MTCL1: variants seen among roughly 807,000 people sequenced by gnomAD.
MTCL1 encodes microtubule cross-linking factor 1.
MTCL1 carries 79 observed loss-of-function variants against 141.4 expected under a neutral mutation model. The ratio of observed to expected loss-of-function variants is 0.56; its 90% CI spans 0.47 to 0.67. The LOEUF (loss-of-function observed/expected upper bound fraction) is 0.67, where lower values mean the gene tolerates loss of function less well. Among genes scored for constraint, MTCL1 ranks in the 30% least tolerant of loss-of-function variants. The probability of loss-of-function intolerance (pLI) is 0.00; values close to 1 mark genes in which losing one functional copy is unlikely to be tolerated. For missense variants in MTCL1, 2,177 were observed against 2,113.9 expected (o/e 1.03, Z -0.59); for synonymous variants, 914 against 875.8 (o/e 1.04, Z -0.77).
intron 4 of MTCL1, among the ~76,000 whole-genome samples, chr18:8,755,083 G>A (rs1283347855): frequency 6.6e-6 from 1 of 152,150 alleles, no homozygotes; most frequent in Non-Finnish European, 1.5e-5. Flanking sequence ...GAGTAACACC[G>A]CCTGTTGCAC....
intron 6 of MTCL1, chr18:8,785,593 T>C (rs200687004): frequency 3.7e-6 from 1 of 273,036 alleles, no homozygotes; most frequent in East Asian, 9.1e-5. Flanking sequence ...CCTTCACGGG[T>C]AGCGTGCTTG....
At chr18:8,809,549 G>C in intron 11 of MTCL1, 1 of 1,536,268 alleles carries the variant, frequency 6.5e-7, no homozygotes, top group Admixed American at 2.0e-5. Flanking sequence ...GCCTTGGGTT[G>C]CAGAGATTGG....
intron 4 of MTCL1, among the ~76,000 whole-genome samples, chr18:8,741,103 A>G (rs1270563748): frequency 2.0e-5 from 3 of 152,230 alleles, no homozygotes; most frequent in Admixed American, 6.5e-5. Context: ...GTCCCCATCA[A>G]ATGTTCTTAC....
chr18:8,760,597 T>G (rs2096427133), intron 4 of MTCL1, among the ~76,000 whole-genome samples: 1 of 152,206 alleles, frequency 6.6e-6, no homozygotes, highest in Non-Finnish European at 1.5e-5. Flanking sequence ...ATGCTTGCAG[T>G]GTTTTCCTTT....
chr18:8,768,060 T>G (rs2096467477), intron 4 of MTCL1, among the ~76,000 whole-genome samples: 1 of 152,206 alleles, frequency 6.6e-6, no homozygotes, highest in African/African-American at 2.4e-5. Context: ...AAATGAAAAT[T>G]TATGTGCCTG....
intron 13 of MTCL1, among the ~76,000 whole-genome samples, chr18:8,820,281 G>A (rs1183566135): frequency 1.3e-5 from 2 of 152,012 alleles, no homozygotes; most frequent in African/African-American, 4.8e-5. Flanking sequence ...GTGGTGGCGG[G>A]TGCCTGTAGT....
At chr18:8,766,189 G>A (rs900231927) in intron 4 of MTCL1, among the ~76,000 whole-genome samples, 3 of 152,234 alleles carry the variant, frequency 2.0e-5, no homozygotes, top group African/African-American at 7.2e-5. Context: ...CTGCACACAA[G>A]AAAGGCGTGG....
At chr18:8,758,659 A>C (rs2096414838) in intron 4 of MTCL1, among the ~76,000 whole-genome samples, 1 of 152,152 alleles carries the variant, frequency 6.6e-6, no homozygotes. Context: ...CTTTGTGCTG[A>C]AGTTTTCCTG....
chr18:8,748,738 T>C (rs1219060688), intron 4 of MTCL1, among the ~76,000 whole-genome samples: 2 of 152,158 alleles, frequency 1.3e-5, no homozygotes, highest in Non-Finnish European at 1.5e-5. Flanking sequence ...TTAATAGTAA[T>C]ATTAACATGA....
intron 4 of MTCL1, among the ~76,000 whole-genome samples, chr18:8,744,666 C>T (rs1010107512): frequency 9.2e-5 from 14 of 152,106 alleles, no homozygotes; most frequent in African/African-American, 3.4e-4. Context: ...TGATTTGTAA[C>T]TGTCCCATTT....
chr18:8,786,109 A>ACCCCCCC lies in MTCL1; in HGVS notation c.1887+18_1887+19insCCCCCCC. 1 of 1,342,526 alleles carries ACCCCCCC rather than the reference A, an allele frequency of 7.4e-7. No individual in the cohort carries two copies. Among genetic ancestry groups the ACCCCCCC allele is most frequent in the Non-Finnish European group, 9.8e-7 (1 of 1,022,224 alleles). 83.2% of individuals were successfully genotyped at this position (1,342,526 alleles called of 1,614,324 possible). A position where few individuals can be genotyped will look rare whatever the true frequency, so the allele number is the denominator to read the frequency against. ...GCCTGGAGGTCAGCGTGGGCAAGCA[A>ACCCCCCC]TCCCCCCCCCCCGCCCTCCCCCTCC... On this transcript the variant is annotated intron_variant, in intron 7 of 16. Coordinates refer to ENST00000359865, the Ensembl canonical transcript of MTCL1.
At chr18:8,718,278 T>A in intron 2 of MTCL1, 146 bp from the exon 2 acceptor site, 5 of 745,078 alleles carry the variant, frequency 6.7e-6, no homozygotes, top group Non-Finnish European at 1.1e-5. Flanking sequence ...GAGGTTCTGG[T>A]GCCTGTCACC....
At chr18:8,757,411 C>A (rs1041656462) in intron 4 of MTCL1, among the ~76,000 whole-genome samples, 1 of 151,908 alleles carries the variant, frequency 6.6e-6, no homozygotes. Flanking sequence ...ACCAAGGAGA[C>A]CCCCCAGACT....
intron 4 of MTCL1, among the ~76,000 whole-genome samples, chr18:8,728,622 G>T (rs935959127): frequency 6.6e-6 from 1 of 150,986 alleles, no homozygotes; most frequent in Non-Finnish European, 1.5e-5. Context: ...AATAGTGTTC[G>T]ATAGTGAAAT....
At chr18:8,772,949 CTG>C (rs1338193253) in intron 4 of MTCL1, among the ~76,000 whole-genome samples, 12 of 152,112 alleles carry the variant, frequency 7.9e-5, no homozygotes, top group African/African-American at 2.4e-4. Flanking sequence ...AGAAAGGTAA[CTG>C]TATGAGATGA....
intron 4 of MTCL1, among the ~76,000 whole-genome samples, chr18:8,750,338 G>C (rs2096364320): frequency 1.3e-5 from 2 of 152,234 alleles, no homozygotes; most frequent in African/African-American, 4.8e-5. Flanking sequence ...GAGTCTCTGT[G>C]CCCGGCCAGT....
chr18:8,804,550 A>G (rs1369192115), intron 10 of MTCL1, among the ~76,000 whole-genome samples: 1 of 152,190 alleles, frequency 6.6e-6, no homozygotes, highest in East Asian at 1.9e-4. Context: ...AATGTATAAG[A>G]CTCATAGATG....
In MTCL1 at chr18:8,810,864, T is replaced by C. The variant is rs2076460363; in HGVS notation, c.2605-2115T>C. ...TGGCTGTCATCTGCTTCCTCAAGCC[T>C]TTCCCTGCTTTCTCTCCAAGCAGGC... On this transcript the variant is annotated intron_variant, in intron 11 of 16. Transcript: ENST00000359865. This position sits in a 1 kb window ranked among gnomAD's most constrained non-coding sequence, Gnocchi z 5.0. 6.6e-6 allele frequency among the ~76,000 whole-genome samples: 1 copy of C among 152,144 alleles called. No homozygotes were observed. Among genetic ancestry groups the C allele is most frequent in the South Asian group, 2.1e-4 (1 of 4,820 alleles).
intron 4 of MTCL1, among the ~76,000 whole-genome samples, chr18:8,727,275 A>G (rs936291118): frequency 2.0e-4 from 31 of 152,062 alleles, no homozygotes; most frequent in African/African-American, 7.0e-4. Flanking sequence ...GAGTGTAGGT[A>G]TTTTTTTAAT....
Sources: allele counts gnomAD v4.1 joint callset (sites outside exome capture counted in the v4.1 genomes callset), GRCh38; gene constraint gnomAD v4.1.1; non-coding constraint Gnocchi (gnomAD v3.1); transcripts MANE v1.5; gene names NCBI Gene and HGNC (gene_info 2026-07-23, HGNC 2026-07-21).